The following ARHGAP6 variants were observed in gnomAD, a reference collection of about 807,000 sequenced individuals.
The protein encoded by ARHGAP6 is Rho GTPase activating protein 6.
A neutral mutation model predicts 55.7 loss-of-function variants in ARHGAP6; 16 were observed. That is an observed-to-expected ratio of 0.29 (90% CI 0.19 to 0.44). ARHGAP6 has a LOEUF of 0.44. ARHGAP6 is among the 20% of genes least tolerant of loss of function. ARHGAP6 has a pLI of 1.00. For missense variants in ARHGAP6, 698 were observed against 808.9 expected, an observed-to-expected ratio of 0.86 and a Z score of 1.66; for synonymous variants, 382 against 360.9, an observed-to-expected ratio of 1.06 and a Z score of -0.66.
At chrX:11,191,212 C>T (rs774802253) in intron 3 of ARHGAP6, among the ~76,000 whole-genome samples, 35 of 112,158 alleles carry the variant, frequency 3.1e-4, no homozygotes, top group African/African-American at 8.7e-4. Flanking sequence ...ATAAGGTGCT[C>T]GCATTCAGCG....
intron 1 of ARHGAP6, among the ~76,000 whole-genome samples, chrX:11,433,660 GC>G (rs2147790959): frequency 8.9e-6 from 1 of 112,092 alleles, no homozygotes; most frequent in Non-Finnish European, 1.9e-5. Flanking sequence ...GTTGTCTAAA[GC>G]CTGCAGAATT....
intron 2 of ARHGAP6, among the ~76,000 whole-genome samples, chrX:11,200,897 G>A (rs1202907114): frequency 8.9e-6 from 1 of 112,287 alleles, no homozygotes; most frequent in Non-Finnish European, 1.9e-5. Context: ...ATTGTCCAAG[G>A]AAAGATTTGT....
intron 2 of ARHGAP6, among the ~76,000 whole-genome samples, chrX:11,229,966 G>A (rs1229879788): frequency 1.8e-5 from 2 of 111,949 alleles, no homozygotes; most frequent in African/African-American, 6.5e-5. Flanking sequence ...TTTTCATAAA[G>A]GATTTTCCTT....
chrX:11,216,378 G>A (rs995306371), intron 2 of ARHGAP6, among the ~76,000 whole-genome samples: 7 of 111,983 alleles, frequency 6.3e-5, no homozygotes, highest in African/African-American at 2.3e-4. Flanking sequence ...TTGGAGCCAA[G>A]CATGGTGGCT....
At chrX:11,557,330 C>T (rs2051330404) in intron 1 of ARHGAP6, among the ~76,000 whole-genome samples, 1 of 111,581 alleles carries the variant, frequency 9.0e-6, no homozygotes, top group African/African-American at 3.3e-5. Flanking sequence ...AGATAGCAAC[C>T]CCAATGCTGC....
chrX:11,402,818 T>C (rs1229664528), intron 1 of ARHGAP6, among the ~76,000 whole-genome samples: 1 of 111,781 alleles, frequency 8.9e-6, no homozygotes, highest in African/African-American at 3.3e-5. Context: ...GGAGGATGCC[T>C]AGGTTACCTC....
At chrX:11,638,884 C>T (rs1464100119) in intron 1 of ARHGAP6, among the ~76,000 whole-genome samples, 1 of 111,381 alleles carries the variant, frequency 9.0e-6, no homozygotes, top group African/African-American at 3.3e-5. Flanking sequence ...TGAATAAGAC[C>T]TAATGGATAA....
chrX:11,485,410 TG>T (rs1195258170), intron 1 of ARHGAP6, among the ~76,000 whole-genome samples: 27 of 112,446 alleles, frequency 2.4e-4, no homozygotes, highest in African/African-American at 8.4e-4. Context: ...CTGAATGCAT[TG>T]GAAGTAAAAT....
intron 1 of ARHGAP6, among the ~76,000 whole-genome samples, chrX:11,317,128 G>A (rs2048368479): frequency 8.9e-6 from 1 of 112,505 alleles, no homozygotes; most frequent in Admixed American, 9.4e-5. Context: ...GCATGTGAGG[G>A]AAATGTGGCT....
In ARHGAP6 at chrX:11,578,779, C is replaced by A. The variant is rs370415807; in HGVS notation, c.588+85462G>T. ...ACAATAGGAAAGACTTGGAACCAAC[C>A]CAAATGTCCATCAATGATAGACTGG... On this transcript the variant is annotated intron_variant, in intron 1 of 12. Coordinates refer to ENST00000337414, the MANE Select transcript of ARHGAP6 (RefSeq NM_013427.3). Among the ~76,000 whole-genome samples, 153 of 111,394 alleles carry A rather than the reference C, an allele frequency of 1.4e-3. 1 individual carries two copies. In the South Asian group the frequency reaches 0.016, roughly 12 times the overall value.
intron 1 of ARHGAP6, among the ~76,000 whole-genome samples, chrX:11,398,430 C>G (rs1375276123): frequency 4.5e-5 from 5 of 110,897 alleles, no homozygotes; most frequent in Non-Finnish European, 1.9e-5. Context: ...TTAAACAAAT[C>G]ACAAAAGAAT....
chrX:11,383,392 C>G (rs1457463126), intron 1 of ARHGAP6, among the ~76,000 whole-genome samples: 1 of 111,601 alleles, frequency 9.0e-6, no homozygotes, highest in African/African-American at 3.3e-5. Flanking sequence ...AGAGTTAGGT[C>G]TAAGATTAAG....
intron 1 of ARHGAP6, among the ~76,000 whole-genome samples, chrX:11,376,191 T>C (rs1214729839): frequency 8.9e-6 from 1 of 112,272 alleles, no homozygotes; most frequent in Admixed American, 9.4e-5. Flanking sequence ...GGCAGAAAGA[T>C]GGCCTCCCAA....
intron 1 of ARHGAP6, among the ~76,000 whole-genome samples, chrX:11,443,749 A>T (rs1487270986): frequency 1.8e-5 from 2 of 111,511 alleles, no homozygotes; most frequent in Non-Finnish European, 3.8e-5. Context: ...TAACATGGTG[A>T]AACCTCATCT....
intron 1 of ARHGAP6, among the ~76,000 whole-genome samples, chrX:11,595,296 A>G (rs2051888639): frequency 1.1e-5 from 1 of 89,723 alleles, no homozygotes; most frequent in South Asian, 4.6e-4. Context: ...TCTCAAGAGA[A>G]AAAAAAAAAA....
At chrX:11,401,537 A>G (rs1445088571) in intron 1 of ARHGAP6, among the ~76,000 whole-genome samples, 2 of 110,117 alleles carry the variant, frequency 1.8e-5, no homozygotes, top group Non-Finnish European at 3.8e-5. Flanking sequence ...ACCCTCCCCA[A>G]GATGTGGCAA....
chrX:11,426,830 T>A (rs910569204), intron 1 of ARHGAP6, among the ~76,000 whole-genome samples: 1 of 109,717 alleles, frequency 9.1e-6, no homozygotes, highest in Non-Finnish European at 1.9e-5. Context: ...AGAAGGCAAA[T>A]CCCATGAGCT....
intron 1 of ARHGAP6, among the ~76,000 whole-genome samples, chrX:11,584,115 C>A (rs1370954535): frequency 8.9e-6 from 1 of 111,950 alleles, no homozygotes; most frequent in African/African-American, 3.2e-5. Flanking sequence ...AATATGAAAG[C>A]AATAATGTCA....
At chrX:11,201,803 C>A (rs962839111) in intron 2 of ARHGAP6, among the ~76,000 whole-genome samples, 3 of 111,589 alleles carry the variant, frequency 2.7e-5, no homozygotes, top group Non-Finnish European at 5.6e-5. Flanking sequence ...TTGGAGGTAA[C>A]TGCCCCCATA....
Sources: allele counts gnomAD v4.1 joint callset (sites outside exome capture counted in the v4.1 genomes callset), GRCh38; gene constraint gnomAD v4.1.1; transcripts MANE v1.5; gene names NCBI Gene and HGNC (gene_info 2026-07-23, HGNC 2026-07-21).